SSBP2: variants seen among roughly 807,000 people sequenced by gnomAD.
SSBP2 encodes single-stranded DNA-binding protein 2.
Under a neutral mutation model 61.8 loss-of-function variants are expected in SSBP2, and 17 were observed. The ratio of observed to expected loss-of-function variants is 0.28; its 90% CI spans 0.19 to 0.41. SSBP2 has a LOEUF of 0.41. Ranked by LOEUF, SSBP2 falls within the 10% of genes least tolerant of loss-of-function variation. The pLI, the probability that SSBP2 is intolerant of heterozygous loss-of-function variation, is 1.00. For synonymous variants in SSBP2, 139 were observed against 141.3 expected (o/e 0.98, Z 0.12); for missense variants, 310 against 458.7 (o/e 0.68, Z 2.96).
chr5:81,577,255 G>A (rs6887194), intron 4 of SSBP2, among the ~76,000 whole-genome samples: 47,800 of 151,694 alleles, frequency 0.32, 9,033 homozygotes, highest in African/African-American at 0.55. Context: ...CAGTATTTTT[G>A]TTATAAAAAT....
At chr5:81,668,974 TAAAGAAA>T (rs1215077272) in intron 1 of SSBP2, among the ~76,000 whole-genome samples, 1 of 152,120 alleles carries the variant, frequency 6.6e-6, no homozygotes, top group African/African-American at 2.4e-5. Flanking sequence ...GAATTTATTC[TAAAGAAA>T]AAAGTATATA....
intron 1 of SSBP2, among the ~76,000 whole-genome samples, chr5:81,689,445 G>A (rs1753046510): frequency 6.6e-6 from 1 of 151,718 alleles, no homozygotes; most frequent in Admixed American, 6.6e-5. Context: ...AAAGGTCAAG[G>A]ATAAAGAAAG....
chr5:81,572,064 C>CAA (rs1773881578), intron 4 of SSBP2, among the ~76,000 whole-genome samples: 1 of 152,068 alleles, frequency 6.6e-6, no homozygotes, highest in South Asian at 2.1e-4. Flanking sequence ...AAATCAACTA[C>CAA]AAGTCTCTAA....
rs192067588 is a variant in SSBP2 at position 81,700,501 on chromosome 5, A to G, written c.63-50162T>C. On this transcript the variant is annotated intron_variant, in intron 1 of 16. Coordinates refer to ENST00000320672, the MANE Select transcript of SSBP2 (RefSeq NM_012446.5). ...AGAATAAGCATTGGCTTCAGCTTAAAGTCACCAGCTGCATTAACCTCTAAC... is the reference window on the plus strand; with the variant it reads ...AGAATAAGCATTGGCTTCAGCTTAAGGTCACCAGCTGCATTAACCTCTAAC... Among the ~76,000 whole-genome samples, 385 of 152,332 alleles carry G rather than the reference A, an allele frequency of 2.5e-3. 2 individuals are homozygous for G. The highest frequency in any genetic ancestry group is 4.4e-3 in the Non-Finnish European group (301 of 68,038).
intron 2 of SSBP2, among the ~76,000 whole-genome samples, chr5:81,637,208 T>C (rs1748322179): frequency 6.6e-6 from 1 of 152,178 alleles, no homozygotes; most frequent in South Asian, 2.1e-4. Flanking sequence ...AAAGGTAAAT[T>C]TGAGCTCTTC....
At chr5:81,583,837 A>G (rs1226596677) in intron 4 of SSBP2, among the ~76,000 whole-genome samples, 2 of 152,198 alleles carry the variant, frequency 1.3e-5, no homozygotes, top group African/African-American at 4.8e-5. Flanking sequence ...GTCATTCCAG[A>G]AAGGTGCATC....
At chr5:81,461,200 TA>T in intron 9 of SSBP2, 97 bp from the exon 10 acceptor site, 1 of 910,442 alleles carries the variant, frequency 1.1e-6, no homozygotes, top group Non-Finnish European at 1.6e-6. Context: ...ATAATTCAGT[TA>T]CTATGCAGTT....
intron 4 of SSBP2, among the ~76,000 whole-genome samples, chr5:81,594,594 A>T (rs1743507765): frequency 6.6e-6 from 1 of 152,232 alleles, no homozygotes; most frequent in Non-Finnish European, 1.5e-5. Flanking sequence ...AGTTGGAAGT[A>T]AAGCACTCCT....
At chr5:81,710,889 G>T in intron 1 of SSBP2, 1 of 255,420 alleles carries the variant, frequency 3.9e-6, no homozygotes, top group Non-Finnish European at 7.9e-6. Context: ...AGTTTAAAAA[G>T]TAAATCTTTT....
chr5:81,481,034 TCA>T (rs1765945567), intron 6 of SSBP2, among the ~76,000 whole-genome samples: 2 of 152,200 alleles, frequency 1.3e-5, no homozygotes, highest in African/African-American at 4.8e-5. Flanking sequence ...GGCAATTCAG[TCA>T]CATCTTCAGG....
At chr5:81,434,965 C>T (rs1022146677) in intron 15 of SSBP2, among the ~76,000 whole-genome samples, 3 of 152,094 alleles carry the variant, frequency 2.0e-5, no homozygotes, top group African/African-American at 7.2e-5. Flanking sequence ...TACTGATGCT[C>T]TTAAGAGAAA....
chr5:81,483,865 T>C (rs953398084), intron 6 of SSBP2, among the ~76,000 whole-genome samples: 4 of 152,190 alleles, frequency 2.6e-5, no homozygotes. Flanking sequence ...CATGCAGCAA[T>C]TTAAATTTAA....
intron 6 of SSBP2, among the ~76,000 whole-genome samples, chr5:81,475,335 TA>T (rs1765514924): frequency 6.6e-6 from 1 of 152,162 alleles, no homozygotes; most frequent in Admixed American, 6.6e-5. Context: ...TCTAATTAGT[TA>T]ACATATGCAA....
intron 2 of SSBP2, among the ~76,000 whole-genome samples, chr5:81,647,761 T>A (rs1749392390): frequency 6.6e-6 from 1 of 152,130 alleles, no homozygotes; most frequent in South Asian, 2.1e-4. Context: ...CAAATACTTG[T>A]CAATATGTGT....
At chr5:81,567,499 G>T (rs1012544389) in intron 4 of SSBP2, among the ~76,000 whole-genome samples, 7 of 152,204 alleles carry the variant, frequency 4.6e-5, no homozygotes, top group African/African-American at 1.7e-4. Flanking sequence ...TTGCTGTAGG[G>T]GCAGGGCTCT....
chr5:81,524,415 C>G (rs965416344), intron 4 of SSBP2, among the ~76,000 whole-genome samples: 7 of 152,016 alleles, frequency 4.6e-5, no homozygotes, highest in Non-Finnish European at 8.8e-5. Flanking sequence ...GACTTCTGAC[C>G]TACAAAACTG....
At chr5:81,511,588 C>G (rs1238681335) in intron 5 of SSBP2, among the ~76,000 whole-genome samples, 1 of 152,126 alleles carries the variant, frequency 6.6e-6, no homozygotes, top group Non-Finnish European at 1.5e-5. Flanking sequence ...TTATACTATT[C>G]TGACTTTCTG....
chr5:81,538,453 A>C (rs1015302379), intron 4 of SSBP2, among the ~76,000 whole-genome samples: 1 of 152,160 alleles, frequency 6.6e-6, no homozygotes, highest in African/African-American at 2.4e-5. Context: ...AAGCTGCACC[A>C]AGTTATCCAG....
intron 4 of SSBP2, among the ~76,000 whole-genome samples, chr5:81,584,003 T>A (rs903470704): frequency 6.6e-6 from 1 of 152,244 alleles, no homozygotes; most frequent in African/African-American, 2.4e-5. Flanking sequence ...AAAACTAGTT[T>A]GATACAGTTG....
Sources: allele counts gnomAD v4.1 joint callset (sites outside exome capture counted in the v4.1 genomes callset), GRCh38; gene constraint gnomAD v4.1.1; transcripts MANE v1.5; gene names NCBI Gene and HGNC (gene_info 2026-07-23, HGNC 2026-07-21).